The following CTNNA3 variants were observed in gnomAD, a reference collection of about 807,000 sequenced individuals.
The protein encoded by CTNNA3 is catenin alpha 3.
In CTNNA3, 76 loss-of-function variants were observed where a neutral mutation model predicts 95.7. That is an observed-to-expected ratio of 0.79 (90% CI 0.66 to 0.96). CTNNA3 has a LOEUF of 0.96. CTNNA3 is among the 40% of genes least tolerant of loss of function. The pLI is 0.00. For synonymous variants in CTNNA3, 431 were observed against 374.4 expected, an observed-to-expected ratio of 1.15 and a Z score of -1.74; for missense variants, 1,191 against 1,089.8, an observed-to-expected ratio of 1.09 and a Z score of -1.31.
chr10:67,219,751 G>C lies in CTNNA3; in HGVS notation c.699C>G (p.Ser233=), dbSNP rs1245665500. ...AAACTGTGTCCTTGCTTGCTTTGAG[G>C]GAAGCAACATCAGAATGCTCCAAAC... is the stretch of plus-strand genomic sequence containing the variant. ...SACLEHSDVA[S]LKASKDTVCE... The change falls in exon 6 of 18, where the codon TCC becomes TCG. Residue 233 remains serine (S), a synonymous_variant. Transcript: ENST00000433211. 1.9e-6 allele frequency: 3 copies of C among 1,613,990 alleles called. No individual in the cohort carries two copies. The highest frequency in any genetic ancestry group is 2.2e-5 in the East Asian group (1 of 44,860).
intron 1 of CTNNA3, among the ~76,000 whole-genome samples, chr10:67,703,541 T>C (rs1206810262): frequency 1.3e-5 from 2 of 152,162 alleles, no homozygotes; most frequent in African/African-American, 4.8e-5. Flanking sequence ...ATTATCTCAA[T>C]AGATGCAGAA....
intron 7 of CTNNA3, among the ~76,000 whole-genome samples, chr10:66,910,875 A>G (rs1846193404): frequency 6.6e-6 from 1 of 152,232 alleles, no homozygotes; most frequent in Non-Finnish European, 1.5e-5. Flanking sequence ...CAGAGGTCAC[A>G]GTGAGCTATT....
At chr10:66,407,260 G>A (rs889740111) in intron 11 of CTNNA3, among the ~76,000 whole-genome samples, 5 of 147,884 alleles carry the variant, frequency 3.4e-5, no homozygotes, top group Non-Finnish European at 5.9e-5. Flanking sequence ...TTTTTATTAT[G>A]TACTCTCAAC....
intron 16 of CTNNA3, among the ~76,000 whole-genome samples, chr10:65,976,267 C>T (rs1164256503): frequency 6.6e-6 from 1 of 152,044 alleles, no homozygotes; most frequent in African/African-American, 2.4e-5. Flanking sequence ...CAATTATAAA[C>T]TCGATTAATG....
At position 66,293,908 on chromosome 10, in the gene CTNNA3, G is replaced by T. The variant is rs184345949; in HGVS notation, c.1733-13287C>A. Among the ~76,000 whole-genome samples, 20 of 151,958 alleles carry T rather than the reference G, an allele frequency of 1.3e-4. No homozygotes were observed. The East Asian group carries it at 3.9e-3, about 30-fold the overall frequency. ...TCTTGAACTCCTGACCTCGTGATCT[G>T]CCCACCTCTGCCTCCCAAAGTGTTG... On this transcript the variant is annotated intron_variant, in intron 12 of 17. Transcript: ENST00000433211.
intron 14 of CTNNA3, among the ~76,000 whole-genome samples, chr10:66,084,624 GA>G (rs1415796314): frequency 5.3e-5 from 8 of 152,050 alleles, no homozygotes; most frequent in African/African-American, 1.4e-4. Flanking sequence ...TTGATTAGTT[GA>G]AAATGTTTTA....
chr10:67,078,982 C>T (rs1856891828), intron 7 of CTNNA3, among the ~76,000 whole-genome samples: 1 of 152,198 alleles, frequency 6.6e-6, no homozygotes, highest in African/African-American at 2.4e-5. Context: ...ATTTGGCTCC[C>T]ATTAAGAGTT....
chr10:66,470,089 T>C (rs1383044983), intron 11 of CTNNA3, among the ~76,000 whole-genome samples: 1 of 151,734 alleles, frequency 6.6e-6, no homozygotes, highest in Non-Finnish European at 1.5e-5. Flanking sequence ...AAAGTAAGAT[T>C]TTTGAGACCA....
At chr10:67,454,251 T>C (rs747582340) in intron 5 of CTNNA3, among the ~76,000 whole-genome samples, 47 of 152,158 alleles carry the variant, frequency 3.1e-4, no homozygotes, top group Non-Finnish European at 5.9e-5. Context: ...CTATTGAAGC[T>C]ATTGGTACCT....
At chr10:66,190,298 AAAAC>A (rs1218340255) in intron 13 of CTNNA3, among the ~76,000 whole-genome samples, 1 of 152,164 alleles carries the variant, frequency 6.6e-6, no homozygotes, top group East Asian at 1.9e-4. Context: ...CAGAGAAATA[AAAAC>A]AAACCTGTCA....
chr10:65,986,863 A>C (rs1387656319), intron 16 of CTNNA3, among the ~76,000 whole-genome samples: 2 of 151,620 alleles, frequency 1.3e-5, no homozygotes, highest in African/African-American at 2.4e-5. Context: ...AAAAAAAAAA[A>C]CCACATAGAC....
intron 7 of CTNNA3, among the ~76,000 whole-genome samples, chr10:67,175,721 A>G (rs1236044549): frequency 2.0e-5 from 3 of 152,184 alleles, no homozygotes; most frequent in Admixed American, 6.6e-5. Context: ...ACTAATAATT[A>G]TATGTCACCT....
chr10:66,873,359 T>G (rs1271861210), intron 7 of CTNNA3, among the ~76,000 whole-genome samples: 3 of 144,402 alleles, frequency 2.1e-5, no homozygotes, highest in African/African-American at 7.7e-5. Flanking sequence ...CATCTGGTTT[T>G]TTTGTTTGTT....
intron 3 of CTNNA3, among the ~76,000 whole-genome samples, chr10:67,599,237 T>A (rs1202943896): frequency 6.6e-6 from 1 of 152,204 alleles, no homozygotes; most frequent in Non-Finnish European, 1.5e-5. Flanking sequence ...CTCAACACTC[T>A]TCCAAGGAAA....
chr10:67,090,611 C>T (rs1002179466), intron 7 of CTNNA3, among the ~76,000 whole-genome samples: 3 of 152,088 alleles, frequency 2.0e-5, no homozygotes, highest in African/African-American at 7.2e-5. Context: ...TTCCTTTTCT[C>T]AACTGTTAGT....
chr10:66,293,267 T>C (rs2091716784), intron 12 of CTNNA3, among the ~76,000 whole-genome samples: 1 of 152,188 alleles, frequency 6.6e-6, no homozygotes, highest in Non-Finnish European at 1.5e-5. Flanking sequence ...ATTTATAATA[T>C]GATTTCAATA....
intron 11 of CTNNA3, among the ~76,000 whole-genome samples, chr10:66,469,967 C>T (rs1240718630): frequency 2.6e-5 from 4 of 151,842 alleles, no homozygotes; most frequent in Non-Finnish European, 5.9e-5. Context: ...AGATAGCTTA[C>T]ATCTAAAGGA....
At chr10:66,412,605 G>T (rs576679850) in intron 11 of CTNNA3, among the ~76,000 whole-genome samples, 1 of 151,606 alleles carries the variant, frequency 6.6e-6, no homozygotes, top group Non-Finnish European at 1.5e-5. Flanking sequence ...GACTACAGGC[G>T]TCCACCACCA....
At chr10:67,663,809 T>A (rs554623910) in intron 1 of CTNNA3, among the ~76,000 whole-genome samples, 1 of 152,346 alleles carries the variant, frequency 6.6e-6, no homozygotes, top group African/African-American at 2.4e-5. Context: ...TTGTCTTTTT[T>A]CAATTCTGCT....
Sources: allele counts gnomAD v4.1 joint callset (sites outside exome capture counted in the v4.1 genomes callset), GRCh38; gene constraint gnomAD v4.1.1; transcripts MANE v1.5; gene names NCBI Gene and HGNC (gene_info 2026-07-23, HGNC 2026-07-21).